The following ZNF283 variants were observed in gnomAD, a reference collection of about 807,000 sequenced individuals.
The protein encoded by ZNF283 is zinc finger protein 283.
In ZNF283, 10 loss-of-function variants were observed where a neutral mutation model predicts 9.2. The observed-to-expected ratio is 1.09, with a 90% CI of 0.67 to 1.85. The LOEUF (loss-of-function observed/expected upper bound fraction) is 1.85. Ranked by LOEUF, ZNF283 falls within the 40% of genes most tolerant of loss-of-function variation. The probability of loss-of-function intolerance (pLI) is 0.00; values close to 1 mark genes in which losing one functional copy is unlikely to be tolerated. For missense variants in ZNF283, 631 were observed against 760.1 expected (o/e 0.83, Z 2.00); for synonymous variants, 234 against 244.1 (o/e 0.96, Z 0.38).
At chr19:43,836,692 A>C (rs1437221953) in intron 5 of ZNF283, among the ~76,000 whole-genome samples, 1 of 152,228 alleles carries the variant, frequency 6.6e-6, no homozygotes, top group Admixed American at 6.5e-5. Context: ...ACTTTTACAA[A>C]GAATTTATGA....
At position 43,847,168 on chromosome 19, in the gene ZNF283, A is replaced by T. The variant is rs758391051; in HGVS notation, c.567A>T (p.Arg189Ser). The change falls in exon 7 of 7, where the codon AGA becomes AGT. Residue 189 changes from arginine to serine, a missense_variant. By Grantham distance (110) the Arg-to-Ser change is moderately radical. Coordinates refer to ENST00000618787, the MANE Select transcript of ZNF283 (RefSeq NM_181845.2). ...IISYEKIPSY[R>S]KSKSLTPHQR... ...GCTATGAAAAAATACCTTCTTACAGAAAAAGTAAATCTCTTACTCCACATC... is the reference window on the plus strand; with the variant it reads ...GCTATGAAAAAATACCTTCTTACAGTAAAAGTAAATCTCTTACTCCACATC... 1 of 1,613,678 alleles carries T rather than the reference A, an allele frequency of 6.2e-7. No homozygotes were observed. Among genetic ancestry groups the T allele is most frequent in the Admixed American group, 1.7e-5 (1 of 59,954 alleles).
chr19:43,829,075 C>A (rs911050209), intron 2 of ZNF283, among the ~76,000 whole-genome samples: 1 of 152,134 alleles, frequency 6.6e-6, no homozygotes, highest in Non-Finnish European at 1.5e-5. Context: ...AGAAGCCGTA[C>A]TATGTTGTAG....
intron 5 of ZNF283, 101 bp from the exon 6 acceptor site, chr19:43,836,952 T>A: frequency 4.5e-6 from 6 of 1,324,268 alleles, no homozygotes; most frequent in South Asian, 4.0e-5. Context: ...TCGATTGTTA[T>A]ATTTCTCCCC....
At position 43,849,842 on chromosome 19, in the gene ZNF283, A is replaced by G. The variant is rs1323915956; in HGVS notation, c.*1201A>G. 1 of 152,232 alleles carries G rather than the reference A, an allele frequency of 6.6e-6. No individual in the cohort carries two copies. The highest frequency in any genetic ancestry group is 2.4e-5 in the African/African-American group (1 of 41,470). 9.4% of individuals were successfully genotyped at this position (152,232 alleles called of 1,614,324 possible). A position where few individuals can be genotyped will look rare whatever the true frequency, so the allele number is the denominator to read the frequency against. On this transcript the variant is annotated 3_prime_UTR_variant, in exon 7 of 7. Transcript: ENST00000618787. ...TGGAAGAGTATCTGGTATGTAGCCT[A>G]TGCTTAATACATATTAGCTATTGTT...
chr19:43,848,398 T>C lies in ZNF283; in HGVS notation c.1797T>C (p.Tyr599=), dbSNP rs756423061. 6.2e-7 allele frequency: 1 copy of C among 1,613,932 alleles called. No individual in the cohort carries two copies. Among genetic ancestry groups the C allele is most frequent in the Non-Finnish European group, 8.5e-7 (1 of 1,179,924 alleles). The change falls in exon 7 of 7, where the codon TAT becomes TAC. Residue 599 remains tyrosine, a synonymous_variant. Transcript: ENST00000618787. ...HERVHTNEKS[Y]ECKDCGKAFG... is the part of the protein sequence containing the mutation. ...GAGTCCATACTAATGAGAAGTCTTA[T>C]GAATGTAAAGACTGTGGGAAGGCCT...
intron 6 of ZNF283, 137 bp downstream of exon 6, chr19:43,837,316 G>A (rs1484221667): frequency 1.0e-5 from 9 of 892,220 alleles, no homozygotes; most frequent in Non-Finnish European, 1.5e-5. Flanking sequence ...TTTTATACTT[G>A]CTGGGTTAGA....
chr19:43,840,691 C>G (rs1004494616), intron 6 of ZNF283: 6 of 146,548 alleles, frequency 4.1e-5, no homozygotes, highest in Non-Finnish European at 8.9e-5. Context: ...CTCTCTCTCT[C>G]TTTTTTTTTT....
chr19:43,837,457 C>A, intron 6 of ZNF283: 1 of 403,298 alleles, frequency 2.5e-6, no homozygotes. Flanking sequence ...ACATTTATTT[C>A]ATAACTATGG....
chr19:43,834,435 C>T (rs1260571734), intron 4 of ZNF283, among the ~76,000 whole-genome samples: 3 of 150,808 alleles, frequency 2.0e-5, no homozygotes, highest in African/African-American at 7.3e-5. Context: ...TTTTTCTAGG[C>T]AAGACATAGG....
intron 3 of ZNF283, among the ~76,000 whole-genome samples, chr19:43,832,642 T>C (rs753738489): frequency 6.6e-6 from 1 of 152,344 alleles, no homozygotes; most frequent in Non-Finnish European, 1.5e-5. Flanking sequence ...CACATTTTAC[T>C]GTGAGCAAAA....
rs546562658 is a variant in ZNF283 at position 43,844,854 on chromosome 19, A to G, written c.338-2085A>G. On this transcript the variant is annotated intron_variant, in intron 6 of 6. Coordinates refer to ENST00000618787, the MANE Select transcript of ZNF283 (RefSeq NM_181845.2). ...GGTTAATTTAATATAATAAACAACA[A>G]CTTCATAATGGAAAAAAATTAAATC... 2.0e-5 allele frequency among the ~76,000 whole-genome samples: 3 copies of G among 152,314 alleles called. No homozygotes were observed. The East Asian group carries it at 5.8e-4, about 29-fold the overall frequency.
chr19:43,842,230 T>G (rs867864202), intron 6 of ZNF283, among the ~76,000 whole-genome samples: 1 of 152,208 alleles, frequency 6.6e-6, no homozygotes, highest in African/African-American at 2.4e-5. Context: ...AGTCACTGTT[T>G]TTTTTTTCTT....
intron 6 of ZNF283, chr19:43,841,373 C>T (rs1314882441): frequency 6.6e-6 from 1 of 151,708 alleles, no homozygotes; most frequent in East Asian, 1.9e-4. Flanking sequence ...AAACTTCATT[C>T]AGCCTGAAAA....
Position 43,849,079 on chromosome 19 carries a change from G to C in ZNF283, c.*438G>C, listed in dbSNP as rs1197114931. On this transcript the variant is annotated 3_prime_UTR_variant, in exon 7 of 7. Transcript: ENST00000618787. Reference sequence around the variant, plus strand: ...CTATGCACATAAGGAATTTGGGAAGGCTTATAGACACAGTAAATATCTTAG... The same window carrying C: ...CTATGCACATAAGGAATTTGGGAAGCCTTATAGACACAGTAAATATCTTAG... 1.3e-5 allele frequency: 2 copies of C among 155,924 alleles called. No individual in the cohort carries two copies. The highest frequency in any genetic ancestry group is 4.8e-5 in the African/African-American group (2 of 41,454). The allele number at this position is 155,924 out of a possible 1,614,324, so 9.7% of individuals were successfully genotyped here. A position where few individuals can be genotyped will look rare whatever the true frequency, so the allele number is the denominator to read the frequency against.
chr19:43,833,100 TCTTA>T (rs1214993705), intron 3 of ZNF283, among the ~76,000 whole-genome samples: 1 of 151,962 alleles, frequency 6.6e-6, no homozygotes, highest in Non-Finnish European at 1.5e-5. Flanking sequence ...TGTATGGATT[TCTTA>T]CTTACTCTTC....
chr19:43,848,331 G>A lies in ZNF283; in HGVS notation c.1730G>A (p.Gly577Glu), dbSNP rs775716832. 3 of 1,613,900 alleles carry A rather than the reference G, an allele frequency of 1.9e-6. No homozygotes were observed. Among genetic ancestry groups the A allele is most frequent in the African/African-American group, 1.3e-5 (1 of 74,892 alleles). The stretch of plus-strand genomic sequence containing the variant: ...AAACCTTTCAAATGTAAGGAATGTG[G>A]GAAGGCCTTCAGTTGGGGTTCAAGC... ...GEKPFKCKECGKAFSWGSSLV... is the reference protein window; with the variant it reads ...GEKPFKCKECEKAFSWGSSLV... The change falls in exon 7 of 7, where the codon GGG becomes GAG. Residue 577 changes from glycine (G) to glutamate (E), a missense_variant. By Grantham distance (98) the Gly-to-Glu change is moderately conservative. This residue lies in a region of ZNF283 where 444 missense variants were observed against 522.5 expected (regional missense o/e 0.85). Coordinates refer to ENST00000618787, the MANE Select transcript of ZNF283 (RefSeq NM_181845.2).
At chr19:43,835,974 C>G (rs1970962675) in intron 5 of ZNF283, among the ~76,000 whole-genome samples, 1 of 152,154 alleles carries the variant, frequency 6.6e-6, no homozygotes, top group South Asian at 2.1e-4. Flanking sequence ...TATCAGTATC[C>G]TCATGTGTCT....
chr19:43,847,452 T>C lies in ZNF283; in HGVS notation c.851T>C (p.Ile284Thr), dbSNP rs775599790. The C allele has an allele frequency of 1.9e-6, 3 of 1,613,864 alleles. No individual in the cohort carries two copies. The highest frequency in any genetic ancestry group is 2.7e-5 in the African/African-American group (2 of 74,982). ...TCAAGCCTTGTTAAACATGAGAGAA[T>C]TCACACTGGTGAGAAACCCTATGAA... ...WGSSLVKHER[I>T]HTGEKPYECK... The change falls in exon 7 of 7, where the codon ATT becomes ACT. Residue 284 changes from isoleucine to threonine, a missense_variant. Transcript: ENST00000618787.
rs1419159449 is a variant in ZNF283 at position 43,851,309 on chromosome 19, G to A, written c.*2668G>A. 6.6e-6 allele frequency: 1 copy of A among 151,794 alleles called. No individual in the cohort carries two copies. Among genetic ancestry groups the A allele is most frequent in the East Asian group, 1.9e-4 (1 of 5,176 alleles). 9.4% of individuals were successfully genotyped at this position (151,794 alleles called of 1,614,324 possible). A position where few individuals can be genotyped will look rare whatever the true frequency, so the allele number is the denominator to read the frequency against. On this transcript the variant is annotated 3_prime_UTR_variant, in exon 7 of 7. Coordinates refer to ENST00000618787, the MANE Select transcript of ZNF283 (RefSeq NM_181845.2). Reference sequence around the variant, plus strand: ...CCAGTGCTTACTAGTACTTGACAATGAAGGAGGATTTTACAGTTAAAGAAG... The same window carrying A: ...CCAGTGCTTACTAGTACTTGACAATAAAGGAGGATTTTACAGTTAAAGAAG...
Sources: gnomAD v4.1 joint callset for allele counts (sites outside exome capture counted in the v4.1 genomes callset) on GRCh38, gnomAD v4.1.1 for gene constraint, gnomAD v4.1.1 regional missense constraint, MANE v1.5 for transcripts, NCBI Gene and HGNC (gene_info 2026-07-23, HGNC 2026-07-21) for gene names.